Variants in CCDC73 observed in about 807,000 individuals in gnomAD.
The protein encoded by CCDC73 is coiled-coil domain containing 73, also known as coiled-coil domain-containing protein 73.
Under a neutral mutation model 116.5 loss-of-function variants are expected in CCDC73, and 95 were observed. That is an observed-to-expected ratio of 0.82 (90% CI 0.69 to 0.97). The LOEUF is 0.97. Ranked by LOEUF, CCDC73 falls within the 50% of genes least tolerant of loss-of-function variation. The pLI, the probability that CCDC73 is intolerant of heterozygous loss-of-function variation, is 0.00. For missense variants in CCDC73, 1,066 were observed against 1,206.8 expected (o/e 0.88, Z 1.73); for synonymous variants, 398 against 401.3 (o/e 0.99, Z 0.10).
intron 12 of CCDC73, among the ~76,000 whole-genome samples, chr11:32,642,857 C>A (rs1433099528): frequency 6.6e-6 from 1 of 151,564 alleles, no homozygotes; most frequent in Non-Finnish European, 1.5e-5. Flanking sequence ...TCAAGCCACA[C>A]AAAAGGATTT....
chr11:32,727,844 A>G (rs1356381127), intron 2 of CCDC73, among the ~76,000 whole-genome samples: 1 of 152,134 alleles, frequency 6.6e-6, no homozygotes, highest in Non-Finnish European at 1.5e-5. Context: ...TGCTGGGATT[A>G]CAGGTGTGAG....
intron 6 of CCDC73, among the ~76,000 whole-genome samples, chr11:32,690,926 G>A (rs1473138147): frequency 2.0e-5 from 3 of 152,112 alleles, no homozygotes; most frequent in South Asian, 2.1e-4. Flanking sequence ...ACATTCTATG[G>A]GTTTGGACAA....
At chr11:32,738,689 A>G (rs573119881) in intron 2 of CCDC73, among the ~76,000 whole-genome samples, 1 of 152,202 alleles carries the variant, frequency 6.6e-6, no homozygotes, top group African/African-American at 2.4e-5. Flanking sequence ...TGCTGTGCAG[A>G]AGCTTTTCAG....
At chr11:32,735,681 A>C (rs1850122882) in intron 2 of CCDC73, among the ~76,000 whole-genome samples, 2 of 152,238 alleles carry the variant, frequency 1.3e-5, no homozygotes. Context: ...TATGGAACCA[A>C]AGAAGAGCTC....
chr11:32,771,410 C>T (rs574615285), intron 1 of CCDC73, among the ~76,000 whole-genome samples: 1 of 152,276 alleles, frequency 6.6e-6, no homozygotes, highest in East Asian at 1.9e-4. Flanking sequence ...CAAGAAACAT[C>T]CCATGCCCCT....
chr11:32,799,091 A>AT (rs36041424), upstream of CCDC73, among the ~76,000 whole-genome samples: 107 of 118,284 alleles, frequency 9.0e-4, 1 homozygote, highest in Middle Eastern at 4.5e-3. Context: ...TTTTCTTTTC[A>AT]TTTTTTTTTT....
At chr11:32,807,597 C>T in the CCDC73 span, among the ~76,000 whole-genome samples, 6 of 148,910 alleles carry the variant, frequency 4.0e-5, no homozygotes, top group South Asian at 1.1e-3. Context: ...TTTTTGGCAA[C>T]TTTTTTTTTT....
rs559998184 is a variant in CCDC73 at position 32,625,049 on chromosome 11, G to C, written c.1186-8920C>G. Among the ~76,000 whole-genome samples the C allele has an allele frequency of 7.2e-3, 1,097 of 152,256 alleles. 16 individuals carry two copies. Among genetic ancestry groups the C allele is most frequent in the African/African-American group, 0.025 (1,055 of 41,546 alleles). On this transcript the variant is annotated intron_variant, in intron 14 of 17. Transcript: ENST00000335185. ...CATTATGTAATGGCCTTCTTTGTCT[G>C]TTTTGATCTTTGTTGGTTTAAAGTC...
the CCDC73 span, chr11:32,830,279 G>A: frequency 1.1e-6 from 1 of 931,826 alleles, no homozygotes; most frequent in Admixed American, 4.0e-5. Context: ...TGCCCGCGGC[G>A]ACAGGTGCCC....
At chr11:32,697,857 T>C (rs1849769877) in intron 6 of CCDC73, among the ~76,000 whole-genome samples, 1 of 151,970 alleles carries the variant, frequency 6.6e-6, no homozygotes, top group Non-Finnish European at 1.5e-5. Context: ...GTTATATAGG[T>C]AAATTGCGTG....
At chr11:32,713,238 C>A (rs571372153) in intron 3 of CCDC73, among the ~76,000 whole-genome samples, 1 of 152,100 alleles carries the variant, frequency 6.6e-6, no homozygotes, top group Admixed American at 6.6e-5. Flanking sequence ...ATCATGACTC[C>A]TTACCAGAGG....
chr11:32,751,735 A>G (rs894172329), intron 2 of CCDC73, among the ~76,000 whole-genome samples: 3 of 152,196 alleles, frequency 2.0e-5, no homozygotes, highest in African/African-American at 7.2e-5. Context: ...ATGAAGTTAA[A>G]ACCAGGTACT....
At chr11:32,770,547 T>A (rs979493005) in intron 1 of CCDC73, among the ~76,000 whole-genome samples, 1 of 152,054 alleles carries the variant, frequency 6.6e-6, no homozygotes, top group African/African-American at 2.4e-5. Flanking sequence ...ATGAAAAAAA[T>A]TCCACAATCA....
At chr11:32,712,758 T>G (rs542801712) in intron 3 of CCDC73, among the ~76,000 whole-genome samples, 73 of 142,200 alleles carry the variant, frequency 5.1e-4, no homozygotes, top group African/African-American at 1.7e-3. Context: ...TTACTTTTTA[T>G]GTTATTCATT....
intron 12 of CCDC73, among the ~76,000 whole-genome samples, chr11:32,651,214 A>G (rs1565066559): frequency 6.6e-6 from 1 of 152,274 alleles, no homozygotes; most frequent in East Asian, 1.9e-4. Flanking sequence ...GTGACTCTCA[A>G]GGGACTGCAA....
chr11:32,612,579 A>C (rs1031275437), intron 16 of CCDC73, among the ~76,000 whole-genome samples: 2 of 151,888 alleles, frequency 1.3e-5, no homozygotes, highest in Admixed American at 6.6e-5. Context: ...CTCTACAAAA[A>C]ATTTTAAAAC....
intron 7 of CCDC73, chr11:32,681,605 T>C (rs1457443600): frequency 2.0e-5 from 3 of 152,000 alleles, no homozygotes; most frequent in Non-Finnish European, 2.9e-5. Flanking sequence ...ATTTTCTTAA[T>C]AGTATTTTTC....
At chr11:32,662,076 G>T (rs1855934371) in intron 9 of CCDC73, among the ~76,000 whole-genome samples, 1 of 152,186 alleles carries the variant, frequency 6.6e-6, no homozygotes, top group Admixed American at 6.5e-5. Context: ...TCTCAATCCA[G>T]TCTATCGTGG....
At chr11:32,729,863 T>C (rs575256836) in intron 2 of CCDC73, among the ~76,000 whole-genome samples, 15 of 152,306 alleles carry the variant, frequency 9.8e-5, no homozygotes, top group African/African-American at 3.1e-4. Context: ...TCAACTCTAG[T>C]ATACCTGTAG....
Sources: allele counts gnomAD v4.1 joint callset (sites outside exome capture counted in the v4.1 genomes callset), GRCh38; gene constraint gnomAD v4.1.1; transcripts MANE v1.5; gene names NCBI Gene and HGNC (gene_info 2026-07-23, HGNC 2026-07-21).